Variants in AIMP1 observed in about 807,000 individuals in gnomAD.
AIMP1 encodes the protein aminoacyl tRNA synthase complex-interacting multifunctional protein 1.
Under a neutral mutation model 33.1 loss-of-function variants are expected in AIMP1, and 24 were observed. That is an observed-to-expected ratio of 0.73 (90% CI 0.53 to 1.02). AIMP1 has a LOEUF of 1.02. AIMP1 is among the 50% of genes least tolerant of loss of function. The pLI is 0.00. For missense variants in AIMP1, 367 were observed against 364.8 expected (o/e 1.01, Z -0.05); for synonymous variants, 120 against 121.5 (o/e 0.99, Z 0.08).
At chr4:106,328,011 A>G in intron 3 of AIMP1, 65 bp from the exon 4 acceptor site, 6 of 1,589,810 alleles carry the variant, frequency 3.8e-6, no homozygotes, top group Non-Finnish European at 5.2e-6. Flanking sequence ...GTGGTTCACA[A>G]TTTCATATTT....
chr4:106,325,124 A>T lies in AIMP1; in HGVS notation c.109+6A>T, dbSNP rs761337182. On this transcript the variant is annotated splice_donor_region_variant and intron_variant, in intron 2 of 6. Coordinates refer to ENST00000672341, the MANE Select transcript of AIMP1 (RefSeq NM_001142416.2). ...TCTACTTAAGGAGAAAGCAAGTAAGAAAATTTAAAATTTTTTGAGGAGATA... is the reference window on the plus strand; with the variant it reads ...TCTACTTAAGGAGAAAGCAAGTAAGTAAATTTAAAATTTTTTGAGGAGATA... The T allele has an allele frequency of 4.0e-5, 65 of 1,606,308 alleles. No homozygotes were observed. Among genetic ancestry groups the T allele is most frequent in the Non-Finnish European group, 5.3e-5 (62 of 1,175,660 alleles).
chr4:106,316,551 C>A lies in AIMP1; in HGVS notation c.-69C>A, dbSNP rs1404102753. On this transcript the variant is annotated 5_prime_UTR_variant, in exon 1 of 7. Coordinates refer to ENST00000672341, the MANE Select transcript of AIMP1 (RefSeq NM_001142416.2). Reference sequence around the variant, plus strand: ...GTACGCGGGTGGCTGGACCTACATGCTTCCTGCTGTGGCTGTCTCGGAACC... The same window carrying A: ...GTACGCGGGTGGCTGGACCTACATGATTCCTGCTGTGGCTGTCTCGGAACC... The A allele has an allele frequency of 1.9e-6, 3 of 1,551,630 alleles. No homozygotes were observed.
intron 2 of AIMP1, 137 bp downstream of exon 2, chr4:106,325,255 T>G: frequency 1.2e-6 from 1 of 811,128 alleles, no homozygotes; most frequent in Non-Finnish European, 1.9e-6. Flanking sequence ...ATATCAAACC[T>G]GAATTTCTAC....
chr4:106,316,082 G>A (rs1370194921), upstream of AIMP1: 7 of 154,880 alleles, frequency 4.5e-5, no homozygotes, highest in African/African-American at 1.4e-4. Context: ...GGCCACTCCT[G>A]GAACGCCGGG....
At chr4:106,330,404 T>A (rs778915215) in intron 4 of AIMP1, among the ~76,000 whole-genome samples, 1 of 152,204 alleles carries the variant, frequency 6.6e-6, no homozygotes, top group South Asian at 2.1e-4. Context: ...TTTTACCTTT[T>A]GAAAAATTTT....
chr4:106,340,961 T>C (rs1770076650), intron 6 of AIMP1, among the ~76,000 whole-genome samples: 1 of 152,202 alleles, frequency 6.6e-6, no homozygotes, highest in Admixed American at 6.5e-5. Flanking sequence ...ATAGCCACTG[T>C]GACTGGTATG....
chr4:106,325,858 A>G (rs1319340045), intron 2 of AIMP1, among the ~76,000 whole-genome samples: 1 of 152,138 alleles, frequency 6.6e-6, no homozygotes, highest in Non-Finnish European at 1.5e-5. Flanking sequence ...AATCCTATAT[A>G]TAAAATAGAG....
At chr4:106,332,643 A>ATC (rs1432988401) in intron 5 of AIMP1, among the ~76,000 whole-genome samples, 1 of 148,158 alleles carries the variant, frequency 6.7e-6, no homozygotes, top group African/African-American at 2.5e-5. Context: ...ATATATATAT[A>ATC]AGTTGGTTCA....
At chr4:106,330,397 TA>T (rs1769630528) in intron 4 of AIMP1, among the ~76,000 whole-genome samples, 1 of 152,198 alleles carries the variant, frequency 6.6e-6, no homozygotes, top group Non-Finnish European at 1.5e-5. Flanking sequence ...TTTGGATTTT[TA>T]CCTTTTGAAA....
chr4:106,340,460 C>T (rs1211282450), intron 6 of AIMP1, among the ~76,000 whole-genome samples: 1 of 152,090 alleles, frequency 6.6e-6, no homozygotes, highest in African/African-American at 2.4e-5. Flanking sequence ...TAGTAGTACT[C>T]AGTGCATTTT....
intron 1 of AIMP1, 48 bp downstream of exon 1, chr4:106,316,642 A>G: frequency 6.5e-7 from 1 of 1,538,034 alleles, no homozygotes. Flanking sequence ...GCCGATTGCG[A>G]TCGTAGGGGT....
rs1579640057 is a variant in AIMP1 at position 106,335,057 on chromosome 4, C to T, written c.604-1812C>T. On this transcript the variant is annotated intron_variant, in intron 5 of 6. Transcript: ENST00000672341. ...AGAGCAAAAGAATAACATTGGTCAG[C>T]CTGACATTTTAATAGGATCATTCTG... Among the ~76,000 whole-genome samples, 4 of 152,188 alleles carry T rather than the reference C, an allele frequency of 2.6e-5. No homozygotes were observed. In the East Asian group the frequency reaches 7.7e-4, roughly 29 times the overall value.
chr4:106,337,723 T>G (rs531299331), intron 6 of AIMP1, among the ~76,000 whole-genome samples: 1 of 152,182 alleles, frequency 6.6e-6, no homozygotes, highest in Non-Finnish European at 1.5e-5. Flanking sequence ...TGGAACAGTT[T>G]GGAGGGTTCA....
At chr4:106,342,583 A>G (rs1038529179) in intron 6 of AIMP1, among the ~76,000 whole-genome samples, 1 of 152,214 alleles carries the variant, frequency 6.6e-6, no homozygotes, top group African/African-American at 2.4e-5. Context: ...GGTGAACCAC[A>G]TTTATTGATT....
rs530138143 is a variant in AIMP1 at position 106,332,800 on chromosome 4, G to C, written c.603+917G>C. On this transcript the variant is annotated intron_variant, in intron 5 of 6. Transcript: ENST00000672341. Reference sequence around the variant, plus strand: ...CTGTTTACCATTCAAGGTGGAGTTAGTCATGAAACTTCTAACTACAGGTGC... The same window carrying C: ...CTGTTTACCATTCAAGGTGGAGTTACTCATGAAACTTCTAACTACAGGTGC... Among the ~76,000 whole-genome samples the C allele has an allele frequency of 6.6e-5, 10 of 151,916 alleles. 1 individual carries two copies. In the South Asian group the frequency reaches 2.1e-3, roughly 32 times the overall value.
chr4:106,328,279 T>C, intron 4 of AIMP1, 36 bp downstream of exon 4: 1 of 1,563,048 alleles, frequency 6.4e-7, no homozygotes, highest in Non-Finnish European at 8.7e-7. Flanking sequence ...AGCTCTTGAC[T>C]GGATTATCAG....
At chr4:106,329,629 C>A (rs942106428) in intron 4 of AIMP1, among the ~76,000 whole-genome samples, 5 of 151,938 alleles carry the variant, frequency 3.3e-5, no homozygotes, top group African/African-American at 4.8e-5. Flanking sequence ...ATTTAAATAA[C>A]CTATGTGGCT....
At chr4:106,325,797 A>T (rs1400713718) in intron 2 of AIMP1, among the ~76,000 whole-genome samples, 1 of 152,126 alleles carries the variant, frequency 6.6e-6, no homozygotes, top group Non-Finnish European at 1.5e-5. Flanking sequence ...CTGTAAGGAA[A>T]ATATTTCCTA....
chr4:106,318,322 T>C (rs1307773263), intron 1 of AIMP1, among the ~76,000 whole-genome samples: 1 of 152,228 alleles, frequency 6.6e-6, no homozygotes, highest in Non-Finnish European at 1.5e-5. Context: ...ACACATATGA[T>C]TTAAATCCTA....
Sources: gnomAD v4.1 joint callset for allele counts (sites outside exome capture counted in the v4.1 genomes callset) on GRCh38, gnomAD v4.1.1 for gene constraint, MANE v1.5 for transcripts, NCBI Gene and HGNC (gene_info 2026-07-23, HGNC 2026-07-21) for gene names.